MRE11: variants seen among roughly 807,000 people sequenced by gnomAD.
MRE11 encodes the protein double-strand break repair protein MRE11.
Under a neutral mutation model 91.7 loss-of-function variants are expected in MRE11, and 62 were observed. The observed-to-expected ratio is 0.68, with a 90% CI of 0.55 to 0.84. The LOEUF (loss-of-function observed/expected upper bound fraction) is 0.84, where lower values mean the gene tolerates loss of function less well. Among genes scored for constraint, MRE11 ranks in the 40% least tolerant of loss-of-function variants. MRE11 has a pLI of 0.00. For synonymous variants in MRE11, 273 were observed against 271.4 expected (o/e 1.01, Z -0.06); for missense variants, 796 against 852.9 (o/e 0.93, Z 0.83).
the MRE11 span, among the ~76,000 whole-genome samples, chr11:94,504,862 A>G: frequency 6.6e-6 from 1 of 152,182 alleles, no homozygotes; most frequent in Non-Finnish European, 1.5e-5. Context: ...AGAAAACTTT[A>G]GTCTTGGGTT....
intron 10 of MRE11, among the ~76,000 whole-genome samples, chr11:94,467,486 A>G (rs995637145): frequency 2.0e-5 from 3 of 152,190 alleles, no homozygotes; most frequent in Non-Finnish European, 4.4e-5. Flanking sequence ...ATAAGAGCAC[A>G]TCCCACATGC....
chr11:94,498,060 T>A (rs766508532), upstream of MRE11: 16 of 1,545,414 alleles, frequency 1.0e-5, no homozygotes, highest in Non-Finnish European at 1.3e-5. Context: ...ATTTCTTTTT[T>A]TTCTTCTCAG....
At chr11:94,431,753 CA>C (rs1945467717) in intron 18 of MRE11, among the ~76,000 whole-genome samples, 1 of 152,164 alleles carries the variant, frequency 6.6e-6, no homozygotes. Context: ...CAAGCTAATT[CA>C]CATGTAAAAT....
At chr11:94,449,633 A>G (rs1021984061) in intron 14 of MRE11, among the ~76,000 whole-genome samples, 4 of 152,212 alleles carry the variant, frequency 2.6e-5, no homozygotes, top group Non-Finnish European at 5.9e-5. Flanking sequence ...TGGATGCCTC[A>G]TGAGAAATGT....
chr11:94,446,412 C>G (rs929293615), intron 15 of MRE11, among the ~76,000 whole-genome samples: 2 of 151,628 alleles, frequency 1.3e-5, no homozygotes, highest in African/African-American at 4.9e-5. Flanking sequence ...GACTCCATCT[C>G]AAGAAAAATT....
At chr11:94,485,899 C>A in intron 4 of MRE11, 25 bp downstream of exon 4, 1 of 1,604,008 alleles carries the variant, frequency 6.2e-7, no homozygotes, top group South Asian at 1.1e-5. Context: ...AGTAATCACT[C>A]ACTCAAGTAA....
At position 94,477,000 on chromosome 11, in the gene MRE11, G is replaced by A. The variant is rs13447618; in HGVS notation, c.545-597C>T. Among the ~76,000 whole-genome samples the A allele has an allele frequency of 3.6e-3, 546 of 152,290 alleles. 3 individuals are homozygous for A. Among genetic ancestry groups the A allele is most frequent in the African/African-American group, 0.012 (494 of 41,570 alleles). ...CTCCCAAAGTGCTGAAATTACAGGCGTGTGCCAGCACGCCTGGCCTGTTCC... is the reference window on the plus strand; with the variant it reads ...CTCCCAAAGTGCTGAAATTACAGGCATGTGCCAGCACGCCTGGCCTGTTCC... On this transcript the variant is annotated intron_variant, in intron 6 of 19. Coordinates refer to ENST00000323929, the MANE Select transcript of MRE11 (RefSeq NM_005591.4).
intron 9 of MRE11, among the ~76,000 whole-genome samples, chr11:94,470,020 T>G (rs971609705): frequency 6.6e-6 from 1 of 152,074 alleles, no homozygotes; most frequent in African/African-American, 2.4e-5. Context: ...ATAGGGTGGA[T>G]AGCAAACACA....
In MRE11 at chr11:94,476,522, A is replaced by G. The variant is rs369710207; in HGVS notation, c.545-119T>C. 6.2e-5 allele frequency: 43 copies of G among 693,418 alleles called. 2 individuals carry two copies. Among genetic ancestry groups the G allele is most frequent in the African/African-American group, 6.2e-4 (34 of 55,144 alleles). 43.0% of individuals were successfully genotyped at this position (693,418 alleles called of 1,614,324 possible). On this transcript the variant is annotated intron_variant, in intron 6 of 19. Transcript: ENST00000323929. ...ATTTCACTTTACTGTTGGGAGATAT[A>G]TTTGAATTCTGGAATAATTTATAAG...
chr11:94,460,680 A>T (rs1946390700), intron 12 of MRE11, among the ~76,000 whole-genome samples: 1 of 151,532 alleles, frequency 6.6e-6, no homozygotes, highest in African/African-American at 2.4e-5. Flanking sequence ...ATTGCAACAG[A>T]GATACAAAGA....
intron 11 of MRE11, among the ~76,000 whole-genome samples, chr11:94,461,823 C>A (rs1416629604): frequency 6.6e-6 from 1 of 152,188 alleles, no homozygotes; most frequent in Non-Finnish European, 1.5e-5. Context: ...CGCCTGTAAT[C>A]CCAGCACTTT....
the MRE11 span, chr11:94,499,631 C>T: frequency 2.6e-4 from 40 of 152,154 alleles, no homozygotes; most frequent in African/African-American, 9.2e-4. Flanking sequence ...GGATCCAGAA[C>T]ATTATTCATC....
intron 18 of MRE11, among the ~76,000 whole-genome samples, chr11:94,435,431 C>A (rs1945579829): frequency 6.6e-6 from 1 of 152,090 alleles, no homozygotes; most frequent in Non-Finnish European, 1.5e-5. Context: ...TGGTGCACGT[C>A]TGTAATCCCA....
intron 10 of MRE11, among the ~76,000 whole-genome samples, chr11:94,465,265 G>C (rs1946531424): frequency 6.6e-6 from 1 of 152,172 alleles, no homozygotes; most frequent in African/African-American, 2.4e-5. Context: ...TTCTATTAAA[G>C]TCTGGTTAGT....
chr11:94,451,273 A>G (rs980655087), intron 14 of MRE11, among the ~76,000 whole-genome samples: 7 of 152,208 alleles, frequency 4.6e-5, no homozygotes, highest in Non-Finnish European at 8.8e-5. Context: ...GAATAACTTA[A>G]TCTGATCCAA....
chr11:94,432,755 G>A (rs531298638), intron 18 of MRE11, among the ~76,000 whole-genome samples: 1 of 152,184 alleles, frequency 6.6e-6, no homozygotes, highest in East Asian at 1.9e-4. Context: ...GCAGTGAGCC[G>A]AGATCGCGCC....
intron 14 of MRE11, among the ~76,000 whole-genome samples, chr11:94,448,535 G>A (rs779787567): frequency 1.3e-5 from 2 of 152,006 alleles, no homozygotes; most frequent in Non-Finnish European, 2.9e-5. Flanking sequence ...GGAAGCAGTG[G>A]GGAGGGGAGT....
At chr11:94,505,249 G>T in the MRE11 span, among the ~76,000 whole-genome samples, 1 of 152,048 alleles carries the variant, frequency 6.6e-6, no homozygotes, top group Non-Finnish European at 1.5e-5. Flanking sequence ...TTTCAGGCAG[G>T]TCCTTCAGGG....
intron 4 of MRE11, among the ~76,000 whole-genome samples, chr11:94,481,679 C>T (rs1947016987): frequency 6.6e-6 from 1 of 152,160 alleles, no homozygotes; most frequent in African/African-American, 2.4e-5. Flanking sequence ...GAGATGGTGA[C>T]CTTCATCAAA....
Sources: allele counts gnomAD v4.1 joint callset (sites outside exome capture counted in the v4.1 genomes callset), GRCh38; gene constraint gnomAD v4.1.1; transcripts MANE v1.5; gene names NCBI Gene and HGNC (gene_info 2026-07-23, HGNC 2026-07-21).